Variants in TG observed in about 807,000 individuals in gnomAD.
TG encodes thyroglobulin, also known as thyroid hormones.
Under a neutral mutation model 324.7 loss-of-function variants are expected in TG, and 270 were observed. That is an observed-to-expected ratio of 0.83 (90% CI 0.75 to 0.92). TG has a LOEUF of 0.92. Among genes scored for constraint, TG ranks in the 40% least tolerant of loss-of-function variants. The probability of loss-of-function intolerance (pLI) is 0.00; values close to 1 mark genes in which losing one functional copy is unlikely to be tolerated. For synonymous variants in TG, 1,401 were observed against 1,327.0 expected (o/e 1.06, Z -1.21); for missense variants, 3,591 against 3,456.4 (o/e 1.04, Z -0.98).
At chr8:132,868,035 A>G in intron 1 of TG, 80 bp from the exon 2 acceptor site, 1 of 1,285,726 alleles carries the variant, frequency 7.8e-7, no homozygotes, top group South Asian at 1.2e-5. Context: ...CTGGAAAAGC[A>G]TCTGTGCTTA....
At chr8:132,948,601 G>T (rs1325265655) in intron 26 of TG, among the ~76,000 whole-genome samples, 175 bp from the exon 27 acceptor site, 1 of 152,156 alleles carries the variant, frequency 6.6e-6, no homozygotes, top group Non-Finnish European at 1.5e-5. Context: ...ACAACTGCAG[G>T]AATCACAGGC....
chr8:133,022,034 A>G lies in TG; in HGVS notation c.6920A>G (p.Asp2307Gly). The G allele has an allele frequency of 1.2e-6, 2 of 1,614,184 alleles. No individual in the cohort carries two copies. Among genetic ancestry groups the G allele is most frequent in the South Asian group, 1.1e-5 (1 of 91,076 alleles). ...CTGGTGTTCTTCCACAACACCATGG[A>G]CAGGGAGGAGAGTGAAGGATGGCCG... ...SVLVFFHNTMDREESEGWPAI... is the reference protein window; with the variant it reads ...SVLVFFHNTMGREESEGWPAI... Residue 2307 changes from aspartate to glycine, a missense_variant, in exon 40 of 48, where the codon GAC (aspartate) becomes GGC (glycine). Coordinates refer to ENST00000220616, the MANE Select transcript of TG (RefSeq NM_003235.5).
chr8:132,877,314 GT>G (rs1813956275), intron 5 of TG, among the ~76,000 whole-genome samples: 1 of 151,908 alleles, frequency 6.6e-6, no homozygotes, highest in African/African-American at 2.4e-5. Flanking sequence ...TAATTTTTGT[GT>G]TTTTACTGGA....
At chr8:132,934,685 C>A (rs908588210) in intron 24 of TG, among the ~76,000 whole-genome samples, 1 of 152,244 alleles carries the variant, frequency 6.6e-6, no homozygotes, top group Non-Finnish European at 1.5e-5. Context: ...GAGCTGTTGC[C>A]TTCAAACAGC....
At chr8:133,108,687 T>C (rs1385287685) in intron 43 of TG, among the ~76,000 whole-genome samples, 1 of 152,232 alleles carries the variant, frequency 6.6e-6, no homozygotes, top group Non-Finnish European at 1.5e-5. Context: ...AGCATCCTAC[T>C]TTCAGCCTCT....
chr8:133,126,354 C>T (rs1851517293), intron 45 of TG, among the ~76,000 whole-genome samples: 1 of 152,116 alleles, frequency 6.6e-6, no homozygotes, highest in Admixed American at 6.5e-5. Context: ...ACAGTTGGGC[C>T]TTGGTAAGCA....
At chr8:132,901,648 T>G (rs1208636611) in intron 16 of TG, 95 bp downstream of exon 16, 6 of 1,381,716 alleles carry the variant, frequency 4.3e-6, no homozygotes, top group Non-Finnish European at 4.9e-6. Context: ...AAGGCAGGGG[T>G]GGGAGGGGAG....
At chr8:133,111,260 C>G (rs953135116) in intron 43 of TG, among the ~76,000 whole-genome samples, 1 of 152,176 alleles carries the variant, frequency 6.6e-6, no homozygotes, top group African/African-American at 2.4e-5. Context: ...GGGGTTAAAT[C>G]TCACCTCATG....
chr8:132,949,606 G>A (rs367921009), intron 27 of TG, among the ~76,000 whole-genome samples: 1 of 152,288 alleles, frequency 6.6e-6, no homozygotes, highest in African/African-American at 2.4e-5. Flanking sequence ...GAAATTCCAA[G>A]TTTACCAATT....
At chr8:133,003,374 A>C (rs1833725068) in intron 35 of TG, 1 of 152,038 alleles carries the variant, frequency 6.6e-6, no homozygotes, top group Non-Finnish European at 1.5e-5. Flanking sequence ...GAATGCTTAA[A>C]TCAATCAAAT....
chr8:133,030,369 G>C (rs991709009), intron 41 of TG, among the ~76,000 whole-genome samples: 2 of 152,192 alleles, frequency 1.3e-5, no homozygotes, highest in Admixed American at 6.5e-5. Flanking sequence ...AATTCTTCTG[G>C]ATGGCCTGAA....
At chr8:133,038,952 A>C (rs1436205543) in intron 41 of TG, among the ~76,000 whole-genome samples, 2 of 152,128 alleles carry the variant, frequency 1.3e-5, no homozygotes, top group East Asian at 3.8e-4. Flanking sequence ...ATCTCTGCTC[A>C]CTGCAACCTC....
In TG at chr8:133,021,994, C is replaced by T; in HGVS notation, c.6880C>T (p.Pro2294Ser). The change falls in exon 40 of 48, where the codon CCT becomes TCT. Residue 2294 changes from proline (P) to serine (S), a missense_variant. Coordinates refer to ENST00000220616, the MANE Select transcript of TG (RefSeq NM_003235.5). ...LNVFIPQNVA[P>S]NASVLVFFHN... is the part of the protein sequence containing the mutation. ...CATGTTTCTCCAATACCCACAGGCCCCTAACGCGTCTGTGCTGGTGTTCTT... is the reference window on the plus strand; with the variant it reads ...CATGTTTCTCCAATACCCACAGGCCTCTAACGCGTCTGTGCTGGTGTTCTT... 1 of 1,614,140 alleles carries T rather than the reference C, an allele frequency of 6.2e-7. No individual in the cohort carries two copies. The highest frequency in any genetic ancestry group is 8.5e-7 in the Non-Finnish European group (1 of 1,180,034).
intron 9 of TG, 149 bp from the exon 10 acceptor site, chr8:132,887,835 T>A (rs1815649331): frequency 1.2e-6 from 1 of 840,656 alleles, no homozygotes; most frequent in Non-Finnish European, 1.9e-6. Flanking sequence ...AATGCCTATC[T>A]AGATATTATT....
intron 29 of TG, among the ~76,000 whole-genome samples, chr8:132,966,264 A>G (rs1177360488): frequency 6.6e-6 from 1 of 152,228 alleles, no homozygotes; most frequent in Non-Finnish European, 1.5e-5. Context: ...GAAAAGGTGG[A>G]CCAGATAACT....
At chr8:133,030,057 G>A (rs1203934858) in intron 41 of TG, 34 bp downstream of exon 41, 1 of 1,613,338 alleles carries the variant, frequency 6.2e-7, no homozygotes, top group Admixed American at 1.7e-5. Context: ...CAGTCTTACT[G>A]CAGATGCGGC....
intron 24 of TG, among the ~76,000 whole-genome samples, chr8:132,933,971 G>T (rs1052790034): frequency 3.9e-5 from 6 of 152,088 alleles, no homozygotes; most frequent in African/African-American, 1.4e-4. Context: ...AAGATGTGAG[G>T]GGGCCCTAAA....
intron 22 of TG, among the ~76,000 whole-genome samples, chr8:132,928,784 A>G (rs749885396): frequency 5.9e-5 from 9 of 152,256 alleles, no homozygotes; most frequent in Non-Finnish European, 1.3e-4. Flanking sequence ...ATATAAGTTT[A>G]TATTATCAAT....
chr8:133,030,626 A>T (rs568520788), intron 41 of TG, among the ~76,000 whole-genome samples: 3 of 152,252 alleles, frequency 2.0e-5, no homozygotes, highest in Non-Finnish European at 4.4e-5. Flanking sequence ...GCCATGAAAC[A>T]TTATACATAA....
Sources: gnomAD v4.1 joint callset for allele counts (sites outside exome capture counted in the v4.1 genomes callset) on GRCh38, gnomAD v4.1.1 for gene constraint, MANE v1.5 for transcripts, NCBI Gene and HGNC (gene_info 2026-07-23, HGNC 2026-07-21) for gene names.